Variants in RFX6 observed in about 807,000 individuals in gnomAD.
The protein encoded by RFX6 is DNA-binding protein RFX6.
In RFX6, 50 loss-of-function variants were observed where a neutral mutation model predicts 110.8. That is an observed-to-expected ratio of 0.45 (90% CI 0.36 to 0.57). RFX6 has a LOEUF of 0.57. Ranked by LOEUF, RFX6 falls within the 20% of genes least tolerant of loss-of-function variation. The pLI, the probability that RFX6 is intolerant of heterozygous loss-of-function variation, is 0.00. For synonymous variants in RFX6, 383 were observed against 411.2 expected, an observed-to-expected ratio of 0.93 and a Z score of 0.83; for missense variants, 990 against 1,127.0, an observed-to-expected ratio of 0.88 and a Z score of 1.74.
At chr6:116,882,520 G>T in intron 4 of RFX6, 92 bp downstream of exon 4, 2 of 863,392 alleles carry the variant, frequency 2.3e-6, no homozygotes, top group East Asian at 2.6e-5. Context: ...AGTACAAAGA[G>T]AACCAGGTAT....
At chr6:116,918,552 A>AT (rs1196706330) in intron 10 of RFX6, among the ~76,000 whole-genome samples, 1 of 145,164 alleles carries the variant, frequency 6.9e-6, no homozygotes, top group African/African-American at 2.6e-5. Flanking sequence ...ATACCAGAAG[A>AT]TTTTTCAAAA....
At chr6:116,900,572 T>A (rs557418950) in intron 6 of RFX6, among the ~76,000 whole-genome samples, 2 of 152,088 alleles carry the variant, frequency 1.3e-5, no homozygotes, top group East Asian at 1.9e-4. Context: ...TATTTTTATT[T>A]CATAGTGAAA....
rs767245683 is a variant in RFX6, at chr6:116,894,039, G to A, written c.619G>A (p.Val207Ile). 1.2e-5 allele frequency: 19 copies of A among 1,598,224 alleles called. No individual in the cohort carries two copies. The highest frequency in any genetic ancestry group is 1.6e-5 in the Non-Finnish European group (19 of 1,165,756). The change falls in exon 5 of 19, where the codon GTT becomes ATT. Residue 207 changes from valine (V) to isoleucine (I), a missense_variant. Around this residue, in one of 5 missense-constraint regions of RFX6, gnomAD observed 243 missense variants for 353.1 expected, o/e 0.69. Coordinates refer to ENST00000332958, the MANE Select transcript of RFX6 (RefSeq NM_173560.4). ...IKESSAYYHS[V>I]YSGKGLTRFS... ...AGAGAGCAGTGCATATTACCACTCC[G>A]TTTATTCTGGAAAGGGCTTGACAAG...
At chr6:116,907,121 A>T (rs550562572) in intron 6 of RFX6, among the ~76,000 whole-genome samples, 1 of 133,204 alleles carries the variant, frequency 7.5e-6, no homozygotes, top group East Asian at 2.2e-4. Flanking sequence ...ACCTAATGAG[A>T]TTATCATTTT....
intron 6 of RFX6, among the ~76,000 whole-genome samples, chr6:116,895,563 G>A (rs1217154454): frequency 6.6e-6 from 1 of 151,972 alleles, no homozygotes; most frequent in East Asian, 1.9e-4. Flanking sequence ...TCTTTGGACT[G>A]CACCCATTTA....
At chr6:116,902,635 C>A (rs1775100278) in intron 6 of RFX6, among the ~76,000 whole-genome samples, 1 of 151,974 alleles carries the variant, frequency 6.6e-6, no homozygotes, top group South Asian at 2.1e-4. Context: ...ATTTTTGTTT[C>A]AAGCAGCTAG....
Position 116,880,431 on chromosome 6 carries a change from C to A in RFX6, c.381-113C>A. 3 of 880,718 alleles carry A rather than the reference C, an allele frequency of 3.4e-6. No individual in the cohort carries two copies. In the South Asian group the frequency reaches 4.5e-5, roughly 13 times the overall value. The allele number at this position is 880,718 out of a possible 1,614,324, so 54.6% of individuals were successfully genotyped here. ...CAGAATAAACGAAGTCTACTTATGT[C>A]TACTCATTACCTCATTTATAGAGTC... On this transcript the variant is annotated intron_variant, in intron 2 of 18. Transcript: ENST00000332958.
intron 6 of RFX6, among the ~76,000 whole-genome samples, chr6:116,900,768 A>G (rs533723518): frequency 5.9e-5 from 9 of 152,214 alleles, no homozygotes; most frequent in African/African-American, 1.2e-4. Flanking sequence ...AAATGGTTAC[A>G]TAATTTATTG....
In RFX6 at chr6:116,931,615, G is replaced by A; in HGVS notation, c.*109G>A. On this transcript the variant is annotated 3_prime_UTR_variant, in exon 19 of 19. Coordinates refer to ENST00000332958, the MANE Select transcript of RFX6 (RefSeq NM_173560.4). ...AGTAAATAAAAATGAATATGCAGTG[G>A]CTGACATTGTTTTAAAGTCACTGGT... 1 of 825,818 alleles carries A rather than the reference G, an allele frequency of 1.2e-6. No individual in the cohort carries two copies. The highest frequency in any genetic ancestry group is 1.9e-6 in the Non-Finnish European group (1 of 516,254). 51.2% of individuals were successfully genotyped at this position (825,818 alleles called of 1,614,324 possible).
At chr6:116,900,102 A>G (rs1775033425) in intron 6 of RFX6, among the ~76,000 whole-genome samples, 1 of 152,212 alleles carries the variant, frequency 6.6e-6, no homozygotes, top group Non-Finnish European at 1.5e-5. Context: ...TTTAAAAATT[A>G]TTGGGAAGTT....
intron 6 of RFX6, among the ~76,000 whole-genome samples, chr6:116,896,805 T>G (rs1774958317): frequency 6.6e-6 from 1 of 152,208 alleles, no homozygotes; most frequent in Non-Finnish European, 1.5e-5. Context: ...CATTTGAACA[T>G]TCATAACTGT....
chr6:116,911,339 A>G (rs1281405368), intron 7 of RFX6, among the ~76,000 whole-genome samples: 1 of 152,222 alleles, frequency 6.6e-6, no homozygotes, highest in Non-Finnish European at 1.5e-5. Flanking sequence ...TGGCTGTCAC[A>G]TACACTTTCT....
chr6:116,883,411 C>T (rs533832159), intron 4 of RFX6, among the ~76,000 whole-genome samples: 3 of 152,228 alleles, frequency 2.0e-5, no homozygotes, highest in Admixed American at 2.0e-4. Context: ...CCTGACATCA[C>T]ATCCAGCACT....
At chr6:116,898,229 T>G (rs1162403698) in intron 6 of RFX6, among the ~76,000 whole-genome samples, 2 of 152,178 alleles carry the variant, frequency 1.3e-5, no homozygotes. Context: ...TTTCCAGTGG[T>G]GAGCTGGGGT....
At position 116,893,974 on chromosome 6, in the gene RFX6, G is replaced by A. The variant is rs1774884856; in HGVS notation, c.567-13G>A. The A allele has an allele frequency of 2.0e-6, 3 of 1,516,078 alleles. No homozygotes were observed. Among genetic ancestry groups the A allele is most frequent in the African/African-American group, 1.4e-5 (1 of 73,056 alleles). The allele number at this position is 1,516,078 out of a possible 1,614,324, so 93.9% of individuals were successfully genotyped here. A position where few individuals can be genotyped will look rare whatever the true frequency, so the allele number is the denominator to read the frequency against. On this transcript the variant is annotated splice_polypyrimidine_tract_variant and intron_variant, in intron 4 of 18. Coordinates refer to ENST00000332958, the MANE Select transcript of RFX6 (RefSeq NM_173560.4). ...CTTCACTAACACAGAGCTGGTTCCT[G>A]TCTTTGCTCTAGGTATCATTACTAT...
At chr6:116,900,179 T>G (rs1775035762) in intron 6 of RFX6, among the ~76,000 whole-genome samples, 2 of 152,212 alleles carry the variant, frequency 1.3e-5, no homozygotes, top group Non-Finnish European at 2.9e-5. Context: ...TTGGAAAATG[T>G]TTGGAAGATC....
chr6:116,911,087 C>A (rs1394776581), intron 7 of RFX6, 45 bp downstream of exon 7: 1 of 1,266,016 alleles, frequency 7.9e-7, no homozygotes, highest in East Asian at 2.3e-5. Context: ...GATATGTTGG[C>A]TCCATATGTC....
At chr6:116,928,695 T>G in intron 17 of RFX6, 64 bp from the exon 18 acceptor site, 2 of 1,137,756 alleles carry the variant, frequency 1.8e-6, no homozygotes, top group Non-Finnish European at 2.7e-6. Context: ...CTTTGTCACT[T>G]TTTTCCTTCC....
intron 6 of RFX6, among the ~76,000 whole-genome samples, chr6:116,899,751 T>C (rs529222762): frequency 6.6e-6 from 1 of 152,300 alleles, no homozygotes; most frequent in East Asian, 1.9e-4. Context: ...TCTACCCCAC[T>C]TCTGGAAGGA....
Sources: allele counts gnomAD v4.1 joint callset (sites outside exome capture counted in the v4.1 genomes callset), GRCh38; gene constraint gnomAD v4.1.1; regional missense constraint gnomAD v4.1.1; transcripts MANE v1.5; gene names NCBI Gene and HGNC (gene_info 2026-07-23, HGNC 2026-07-21).